Variants in TRAPPC12 observed in about 807,000 individuals in gnomAD.
The protein encoded by TRAPPC12 is trafficking protein particle complex subunit 12.
Under a neutral mutation model 69.2 loss-of-function variants are expected in TRAPPC12, and 61 were observed. That is an observed-to-expected ratio of 0.88 (90% CI 0.72 to 1.09). The LOEUF (loss-of-function observed/expected upper bound fraction) is 1.09. Ranked by LOEUF, TRAPPC12 falls within the 50% of genes least tolerant of loss-of-function variation. The pLI, the probability that TRAPPC12 is intolerant of heterozygous loss-of-function variation, is 0.00. For synonymous variants in TRAPPC12, 469 were observed against 438.9 expected (o/e 1.07, Z -0.86); for missense variants, 1,101 against 1,016.4 (o/e 1.08, Z -1.13).
intron 5 of TRAPPC12, among the ~76,000 whole-genome samples, chr2:3,432,877 A>T (rs1336407450): frequency 1.3e-5 from 2 of 152,246 alleles, no homozygotes; most frequent in African/African-American, 4.8e-5. Context: ...GCTGTAGCTG[A>T]AGCCACACGT....
In TRAPPC12 at chr2:3,380,748, A is replaced by G. The variant is rs868813360; in HGVS notation, c.-5+872A>G. ...TGATATCTGATGGGATCTTCTTCACAGTTACTAAACTGGGTGTTGCCACTC... is the reference window on the plus strand; with the variant it reads ...TGATATCTGATGGGATCTTCTTCACGGTTACTAAACTGGGTGTTGCCACTC... On this transcript the variant is annotated intron_variant, in intron 1 of 11. Transcript: ENST00000324266. Among the ~76,000 whole-genome samples, 118 of 152,358 alleles carry G rather than the reference A, an allele frequency of 7.7e-4. 2 individuals carry two copies. The highest frequency in any genetic ancestry group is 6.2e-4 in the South Asian group (3 of 4,822).
At chr2:3,403,925 TG>T (rs1661588976) in intron 3 of TRAPPC12, among the ~76,000 whole-genome samples, 1 of 152,088 alleles carries the variant, frequency 6.6e-6, no homozygotes, top group African/African-American at 2.4e-5. Flanking sequence ...AGGAGAGGAG[TG>T]ATTTCTTGAT....
chr2:3,470,317 C>G lies in TRAPPC12; in HGVS notation c.1776+4622C>G, dbSNP rs576082870. Among the ~76,000 whole-genome samples the G allele has an allele frequency of 8.5e-5, 13 of 152,380 alleles. No homozygotes were observed. In the East Asian group the frequency reaches 1.9e-3, roughly 23 times the overall value. ...CCACAAGGAAGCTGACGTGCCCCTC[C>G]CCAGGGACCCACGCCAAAAGGCCAT... On this transcript the variant is annotated intron_variant, in intron 9 of 11. Coordinates refer to ENST00000324266, the MANE Select transcript of TRAPPC12 (RefSeq NM_016030.6).
At chr2:3,415,803 A>G (rs12233144) in intron 3 of TRAPPC12, among the ~76,000 whole-genome samples, 95,930 of 149,996 alleles carry the variant, frequency 0.64, 31,076 homozygotes, top group African/African-American at 0.76. Context: ...TGCAAGCTCC[A>G]CCTTGCAGGT....
chr2:3,457,759 C>T, intron 7 of TRAPPC12, 66 bp downstream of exon 7: 1 of 1,579,758 alleles, frequency 6.3e-7, no homozygotes, highest in Non-Finnish European at 8.6e-7. Context: ...AGCCCAAAGC[C>T]TCTCGCTTCC....
At chr2:3,451,078 A>G (rs1325458088) in intron 6 of TRAPPC12, among the ~76,000 whole-genome samples, 1 of 152,246 alleles carries the variant, frequency 6.6e-6, no homozygotes, top group African/African-American at 2.4e-5. Context: ...GCCTTTTTAA[A>G]TATTGCTTGA....
rs1040110496 is a variant in TRAPPC12 at position 3,414,981 on chromosome 2, G to A, written c.1165-6900G>A. Among the ~76,000 whole-genome samples the A allele has an allele frequency of 2.0e-5, 3 of 152,148 alleles. No individual in the cohort carries two copies. Among genetic ancestry groups the A allele is most frequent in the African/African-American group, 7.2e-5 (3 of 41,440 alleles). On this transcript the variant is annotated intron_variant, in intron 3 of 11. Coordinates refer to ENST00000324266, the MANE Select transcript of TRAPPC12 (RefSeq NM_016030.6). This position sits in a 1 kb window ranked among gnomAD's most constrained non-coding sequence, Gnocchi z 4.9. ...TTCAGCTGTGGTTGGTTGAATCCAC[G>A]CGTGTGGAACCTGCAGATACGGAGG...
chr2:3,425,065 G>A (rs761736450), intron 5 of TRAPPC12, among the ~76,000 whole-genome samples: 10 of 152,230 alleles, frequency 6.6e-5, no homozygotes, highest in African/African-American at 9.6e-5. Flanking sequence ...GACATTTTCC[G>A]TTTGTCTCTA....
At chr2:3,474,968 C>T (rs1666234880) in intron 9 of TRAPPC12, among the ~76,000 whole-genome samples, 2 of 152,164 alleles carry the variant, frequency 1.3e-5, no homozygotes, top group Admixed American at 6.5e-5. Context: ...CCTGTTTTCT[C>T]GTGGATTCGC....
chr2:3,381,446 T>A (rs1024328226), intron 1 of TRAPPC12, among the ~76,000 whole-genome samples: 1 of 152,236 alleles, frequency 6.6e-6, no homozygotes, highest in Admixed American at 6.5e-5. Flanking sequence ...AAACAATTAA[T>A]TAATCACATT....
chr2:3,460,925 C>T (rs918111168), intron 8 of TRAPPC12: 2 of 153,074 alleles, frequency 1.3e-5, no homozygotes, highest in African/African-American at 4.8e-5. Flanking sequence ...CCTGGCTCAC[C>T]TCCCACACTG....
At chr2:3,445,333 C>T (rs1474985427) in intron 6 of TRAPPC12, among the ~76,000 whole-genome samples, 2 of 152,044 alleles carry the variant, frequency 1.3e-5, no homozygotes, top group South Asian at 2.1e-4. Flanking sequence ...TGCAGTAAGC[C>T]GAGATCAAGC....
At chr2:3,471,727 G>A (rs12714379) in intron 9 of TRAPPC12, among the ~76,000 whole-genome samples, 89,928 of 152,110 alleles carry the variant, frequency 0.59, 28,527 homozygotes, top group African/African-American at 0.84. Flanking sequence ...ATACTTCTTA[G>A]AATTACTTCA....
Position 3,464,664 on chromosome 2 carries a change from T to C in TRAPPC12, c.1678-933T>C, listed in dbSNP as rs922138210. Among the ~76,000 whole-genome samples, 3 of 152,342 alleles carry C rather than the reference T, an allele frequency of 2.0e-5. 1 individual carries two copies. Among genetic ancestry groups the C allele is most frequent in the Admixed American group, 1.3e-4 (2 of 15,300 alleles). On this transcript the variant is annotated intron_variant, in intron 8 of 11. Coordinates refer to ENST00000324266, the MANE Select transcript of TRAPPC12 (RefSeq NM_016030.6). ...CTCGCTCAATAAATGCGGCGATCACTGTCATCCTGGAGAGAGCCCGGGTTT... is the reference window on the plus strand; with the variant it reads ...CTCGCTCAATAAATGCGGCGATCACCGTCATCCTGGAGAGAGCCCGGGTTT...
intron 5 of TRAPPC12, among the ~76,000 whole-genome samples, chr2:3,440,866 C>T (rs1405937425): frequency 6.6e-6 from 1 of 152,112 alleles, no homozygotes; most frequent in African/African-American, 2.4e-5. Flanking sequence ...GTTTTTATCA[C>T]GAGCTGGTGC....
chr2:3,424,439 C>G, intron 4 of TRAPPC12, 86 bp from the exon 5 acceptor site: 1 of 1,184,228 alleles, frequency 8.4e-7, no homozygotes, highest in African/African-American at 1.6e-5. Context: ...GAGAAATTAA[C>G]CTCTAACACC....
Position 3,443,788 on chromosome 2 carries a change from T to C in TRAPPC12, c.1427T>C (p.Val476Ala), listed in dbSNP as rs1206471741. The C allele has an allele frequency of 1.2e-6, 2 of 1,613,998 alleles. No homozygotes were observed. The highest frequency in any genetic ancestry group is 2.2e-5 in the East Asian group (1 of 44,884). The change falls in exon 6 of 12, where the codon GTC becomes GCC. Residue 476 changes from valine (V) to alanine (A), a missense_variant. Coordinates refer to ENST00000324266, the MANE Select transcript of TRAPPC12 (RefSeq NM_016030.6). ...HVYPGRRGSM[V>A]PFSMRILHAE... The stretch of plus-strand genomic sequence containing the variant: ...ACTGATTGGATTCCAGGCTCCATGG[T>C]CCCCTTCTCGATGCGCATCTTGCAC...
At chr2:3,445,492 C>T (rs1572171781) in intron 6 of TRAPPC12, among the ~76,000 whole-genome samples, 1 of 152,206 alleles carries the variant, frequency 6.6e-6, no homozygotes, top group Non-Finnish European at 1.5e-5. Flanking sequence ...CTTCCCACAC[C>T]GCTGCTCTGG....
intron 9 of TRAPPC12, chr2:3,472,302 G>A (rs1213014216): frequency 6.6e-6 from 1 of 152,342 alleles, no homozygotes; most frequent in Non-Finnish European, 1.5e-5. Context: ...CCAGGCTCCA[G>A]GAGGGGTGCG....
Sources: gnomAD v4.1 joint callset for allele counts (sites outside exome capture counted in the v4.1 genomes callset) on GRCh38, gnomAD v4.1.1 for gene constraint, Gnocchi (gnomAD v3.1) non-coding constraint, MANE v1.5 for transcripts, NCBI Gene and HGNC (gene_info 2026-07-23, HGNC 2026-07-21) for gene names.